ZBBX: variants seen among roughly 807,000 people sequenced by gnomAD.
ZBBX encodes zinc finger B-box domain-containing protein 1.
Under a neutral mutation model 108.5 loss-of-function variants are expected in ZBBX, and 101 were observed. The observed-to-expected ratio is 0.93, with a 90% CI of 0.79 to 1.10. The LOEUF (loss-of-function observed/expected upper bound fraction) is 1.10. Among genes scored for constraint, ZBBX ranks in the 50% least tolerant of loss-of-function variants. The pLI, the probability that ZBBX is intolerant of heterozygous loss-of-function variation, is 0.00. For missense variants in ZBBX, 1,009 were observed against 941.4 expected (o/e 1.07, Z -0.94); for synonymous variants, 356 against 323.4 (o/e 1.10, Z -1.08).
At position 167,287,178 on chromosome 3, in the gene ZBBX, C is replaced by T. The variant is rs116017955; in HGVS notation, c.1996+1689G>A. Among the ~76,000 whole-genome samples the T allele has an allele frequency of 5.8e-3, 874 of 151,932 alleles. 6 individuals carry two copies. The highest frequency in any genetic ancestry group is 0.02 in the African/African-American group (831 of 41,440). On this transcript the variant is annotated intron_variant, in intron 19 of 21. Transcript: ENST00000675490. ...GATAGGACATATTATCATTAATTACCTATTAAGGTCCAAAAGTAAATTACT... is the reference window on the plus strand; with the variant it reads ...GATAGGACATATTATCATTAATTACTTATTAAGGTCCAAAAGTAAATTACT...
chr3:167,330,865 G>GA (rs1553820632), intron 10 of ZBBX, among the ~76,000 whole-genome samples: 27 of 21,848 alleles, frequency 1.2e-3, no homozygotes, highest in African/African-American at 3.6e-3. Flanking sequence ...GGAGGAGGAG[G>GA]AGGAGGAGAA....
In ZBBX at chr3:167,240,763, A is replaced by G. The variant is rs1216434197; in HGVS notation, c.*30T>C. The G allele has an allele frequency of 1.2e-6, 2 of 1,604,392 alleles. No individual in the cohort carries two copies. Among genetic ancestry groups the G allele is most frequent in the Non-Finnish European group, 1.7e-6 (2 of 1,175,092 alleles). On this transcript the variant is annotated 3_prime_UTR_variant, in exon 22 of 22. Coordinates refer to ENST00000675490, the MANE Select transcript of ZBBX (RefSeq NM_001199201.2). ...CAGTTGTTTGCTTTACTCTGGGTAC[A>G]AAATGGAAACAGTAATGAACAAATA...
At chr3:167,271,598 C>A (rs1045429453) in intron 20 of ZBBX, among the ~76,000 whole-genome samples, 4 of 152,096 alleles carry the variant, frequency 2.6e-5, no homozygotes, top group African/African-American at 9.7e-5. Context: ...CACTGGGGAC[C>A]CAAAGCCATG....
chr3:167,359,878 C>T lies in ZBBX; in HGVS notation c.424G>A (p.Ala142Thr). Reference sequence around the variant, plus strand: ...CTATATAACGTACATACCAGTAGAGCAGCTTTGTTCTCACACTGTCCACAT... The same window carrying T: ...CTATATAACGTACATACCAGTAGAGTAGCTTTGTTCTCACACTGTCCACAT... ...KVCGQCENKAALLVCLECGED... is the reference protein window; with the variant it reads ...KVCGQCENKATLLVCLECGED... Residue 142 changes from alanine to threonine, a missense_variant, in exon 8 of 22, where the codon GCT (alanine) becomes ACT (threonine). Coordinates refer to ENST00000675490, the MANE Select transcript of ZBBX (RefSeq NM_001199201.2). The T allele has an allele frequency of 6.7e-7, 1 of 1,499,334 alleles. No homozygotes were observed. Among genetic ancestry groups the T allele is most frequent in the Non-Finnish European group, 9.1e-7 (1 of 1,099,438 alleles). The allele number at this position is 1,499,334 out of a possible 1,614,324, so 92.9% of individuals were successfully genotyped here.
At chr3:167,391,104 T>C (rs576666872) in intron 1 of ZBBX, among the ~76,000 whole-genome samples, 10 of 152,292 alleles carry the variant, frequency 6.6e-5, no homozygotes, top group South Asian at 2.1e-4. Context: ...CCATTCAGTA[T>C]GATATTGGCT....
intron 20 of ZBBX, among the ~76,000 whole-genome samples, chr3:167,243,108 A>T (rs1720963933): frequency 2.6e-5 from 4 of 152,192 alleles, no homozygotes; most frequent in Non-Finnish European, 5.9e-5. Flanking sequence ...AGTAGATAAT[A>T]ACTGTTCATA....
At chr3:167,180,435 C>T in the ZBBX span, among the ~76,000 whole-genome samples, 1 of 152,208 alleles carries the variant, frequency 6.6e-6, no homozygotes, top group Non-Finnish European at 1.5e-5. Context: ...CATTTACTAA[C>T]ATTCCTAAGT....
At chr3:167,317,149 T>C (rs187255703) in intron 13 of ZBBX, 44 bp from the exon 14 acceptor site, 10 of 1,291,686 alleles carry the variant, frequency 7.7e-6, no homozygotes. Flanking sequence ...AGAATATATC[T>C]TACTTTATAA....
intron 8 of ZBBX, among the ~76,000 whole-genome samples, chr3:167,358,895 C>T (rs570957771): frequency 7.5e-6 from 1 of 133,230 alleles, no homozygotes; most frequent in Non-Finnish European, 1.5e-5. Context: ...CAGATTGCGC[C>T]ACTGCACTCC....
chr3:167,369,385 T>A (rs556450805), intron 4 of ZBBX, among the ~76,000 whole-genome samples: 45 of 152,254 alleles, frequency 3.0e-4, no homozygotes, highest in African/African-American at 1.1e-3. Context: ...ATAAAGTTCA[T>A]AAAGGAGAAA....
the ZBBX span, among the ~76,000 whole-genome samples, chr3:167,191,904 T>TATA: frequency 8.8e-6 from 1 of 113,522 alleles, no homozygotes; most frequent in African/African-American, 4.0e-5. Flanking sequence ...ATCATATATA[T>TATA]ATATATATAT....
At chr3:167,403,352 C>A (rs1027147654) in intron 1 of ZBBX, among the ~76,000 whole-genome samples, 9 of 152,096 alleles carry the variant, frequency 5.9e-5, no homozygotes, top group African/African-American at 1.9e-4. Flanking sequence ...AAAATACATA[C>A]TTTTTCAGAT....
At chr3:167,292,515 A>G (rs1445453566) in intron 18 of ZBBX, among the ~76,000 whole-genome samples, 1 of 152,206 alleles carries the variant, frequency 6.6e-6, no homozygotes, top group African/African-American at 2.4e-5. Flanking sequence ...GAACAAAGAC[A>G]TAATGTACCA....
At position 167,350,432 on chromosome 3, in the gene ZBBX, T is replaced by C; in HGVS notation, c.516A>G (p.Thr172=). The part of the protein sequence containing the change: ...HQKGALKLHR[T]TLLQAKSQIL... ...TAGAAAGCCATACCTGCAAAAGAGT[T>C]GTTCTGTGGAGCTTTAGTGCCCCTT... Residue 172 remains threonine (T), a synonymous_variant, in exon 9 of 22, where the codon ACA becomes ACG. Transcript: ENST00000675490. The C allele has an allele frequency of 6.3e-7, 1 of 1,591,210 alleles. No individual in the cohort carries two copies. Among genetic ancestry groups the C allele is most frequent in the Non-Finnish European group, 8.6e-7 (1 of 1,166,266 alleles).
At chr3:167,186,148 TATA>T in the ZBBX span, among the ~76,000 whole-genome samples, 1 of 151,940 alleles carries the variant, frequency 6.6e-6, no homozygotes, top group African/African-American at 2.4e-5. Flanking sequence ...AAATGGTATA[TATA>T]ATATTTTTAA....
At chr3:167,199,185 T>C in the ZBBX span, among the ~76,000 whole-genome samples, 50 of 152,270 alleles carry the variant, frequency 3.3e-4, no homozygotes, top group Admixed American at 1.2e-3. Flanking sequence ...CTCAATCCTG[T>C]TGGGGACATG....
chr3:167,238,793 A>T (rs1720335850), downstream of ZBBX, among the ~76,000 whole-genome samples: 1 of 152,130 alleles, frequency 6.6e-6, no homozygotes, highest in Admixed American at 6.6e-5. Context: ...GCCTCGACTT[A>T]TAAGATTATA....
chr3:167,375,811 T>C (rs1051559645), intron 2 of ZBBX, among the ~76,000 whole-genome samples: 1 of 152,184 alleles, frequency 6.6e-6, no homozygotes, highest in Non-Finnish European at 1.5e-5. Context: ...ATTTATTCTC[T>C]AAATATAATT....
chr3:167,208,391 T>C, the ZBBX span, among the ~76,000 whole-genome samples: 1 of 152,068 alleles, frequency 6.6e-6, no homozygotes, highest in African/African-American at 2.4e-5. Flanking sequence ...AGCTCAAAGT[T>C]CCAGAAAAGA....
Sources: gnomAD v4.1 joint callset for allele counts (sites outside exome capture counted in the v4.1 genomes callset) on GRCh38, gnomAD v4.1.1 for gene constraint, MANE v1.5 for transcripts, NCBI Gene and HGNC (gene_info 2026-07-23, HGNC 2026-07-21) for gene names.